HS3ST4: variants seen among roughly 807,000 people sequenced by gnomAD.
HS3ST4 encodes the protein heparan sulfate-glucosamine 3-sulfotransferase 4, also known as heparan sulfate glucosamine 3-O-sulfotransferase 4.
HS3ST4 carries 17 observed loss-of-function variants against 29.2 expected under a neutral mutation model. The observed-to-expected ratio is 0.58, with a 90% CI of 0.40 to 0.87. The LOEUF is 0.87. Ranked by LOEUF, HS3ST4 falls within the 40% of genes least tolerant of loss-of-function variation. The pLI is 0.00. For synonymous variants in HS3ST4, 314 were observed against 285.7 expected (o/e 1.10, Z -1.00); for missense variants, 627 against 634.5 (o/e 0.99, Z 0.13).
intron 1 of HS3ST4, among the ~76,000 whole-genome samples, chr16:25,857,996 CCTT>C (rs1470276107): frequency 3.0e-5 from 3 of 100,430 alleles, no homozygotes; most frequent in African/African-American, 1.1e-4. Flanking sequence ...TCTTTTTCTT[CCTT>C]CTTTTCTTTC....
chr16:25,818,006 A>T (rs1967112012), intron 1 of HS3ST4, among the ~76,000 whole-genome samples: 1 of 152,176 alleles, frequency 6.6e-6, no homozygotes, highest in South Asian at 2.1e-4. Context: ...CCTTGTCTTG[A>T]CACCACTGTC....
intron 1 of HS3ST4, among the ~76,000 whole-genome samples, chr16:26,088,779 A>G (rs935220175): frequency 1.3e-5 from 2 of 152,180 alleles, no homozygotes; most frequent in African/African-American, 4.8e-5. Context: ...AGTATGCTGC[A>G]TCTCCTCCAG....
chr16:25,985,813 T>C (rs577225950), intron 1 of HS3ST4, among the ~76,000 whole-genome samples: 1 of 152,160 alleles, frequency 6.6e-6, no homozygotes, highest in South Asian at 2.1e-4. Context: ...TGCCTCTCAA[T>C]TACCTGGGAC....
At chr16:25,840,955 CTTTAA>C (rs1298901150) in intron 1 of HS3ST4, among the ~76,000 whole-genome samples, 2 of 150,562 alleles carry the variant, frequency 1.3e-5, no homozygotes, top group Non-Finnish European at 1.5e-5. Flanking sequence ...ATTTACTTTA[CTTTAA>C]TTTATATTTG....
chr16:26,078,032 C>G (rs1045888545), intron 1 of HS3ST4, among the ~76,000 whole-genome samples: 1 of 152,196 alleles, frequency 6.6e-6, no homozygotes. Flanking sequence ...TGCCACTGCA[C>G]TGCAGTGTGG....
intron 1 of HS3ST4, among the ~76,000 whole-genome samples, chr16:25,991,103 C>T (rs543239639): frequency 1.1e-4 from 16 of 148,992 alleles, no homozygotes; most frequent in African/African-American, 4.2e-4. Flanking sequence ...AACATTGATA[C>T]ACCGGCCTCA....
At chr16:26,132,027 T>C (rs887911334) in intron 1 of HS3ST4, among the ~76,000 whole-genome samples, 3 of 152,180 alleles carry the variant, frequency 2.0e-5, no homozygotes, top group African/African-American at 7.2e-5. Context: ...TCTGTAAAAC[T>C]GGAGTAATAA....
At chr16:25,838,154 T>G (rs1273771690) in intron 1 of HS3ST4, among the ~76,000 whole-genome samples, 1 of 152,234 alleles carries the variant, frequency 6.6e-6, no homozygotes, top group Non-Finnish European at 1.5e-5. Flanking sequence ...GGAATACTAA[T>G]AGAGAAATAT....
intron 1 of HS3ST4, among the ~76,000 whole-genome samples, chr16:25,915,158 A>G (rs971129963): frequency 5.3e-5 from 8 of 152,124 alleles, no homozygotes; most frequent in Non-Finnish European, 4.4e-5. Context: ...GTGGAGGACC[A>G]GTGCTCTACG....
chr16:26,011,121 G>T (rs770703903), intron 1 of HS3ST4, among the ~76,000 whole-genome samples: 35 of 152,264 alleles, frequency 2.3e-4, no homozygotes, highest in African/African-American at 4.8e-4. Flanking sequence ...ACACAGCTTG[G>T]CATGGTTAGG....
intron 1 of HS3ST4, among the ~76,000 whole-genome samples, chr16:25,967,368 A>G (rs1255285079): frequency 1.3e-5 from 2 of 152,026 alleles, no homozygotes. Context: ...GTTGGCCAGG[A>G]TGGTCTCATT....
rs183768037 is a variant in HS3ST4 at position 26,128,502 on chromosome 16, T to C, written c.735-7110T>C. On this transcript the variant is annotated intron_variant, in intron 1 of 1. Coordinates refer to ENST00000331351, the MANE Select transcript of HS3ST4 (RefSeq NM_006040.3). ...CCTTCTTTCTTGGCTGCAATTTTAC[T>C]GAAAGCCCTAGAGCCTCAGGGCCAT... Among the ~76,000 whole-genome samples, 17 of 152,356 alleles carry C rather than the reference T, an allele frequency of 1.1e-4. No individual in the cohort carries two copies. In the East Asian group the frequency reaches 3.3e-3, roughly 29 times the overall value.
chr16:25,896,616 T>C (rs766487696), intron 1 of HS3ST4, among the ~76,000 whole-genome samples: 3 of 152,116 alleles, frequency 2.0e-5, no homozygotes, highest in African/African-American at 4.8e-5. Context: ...TGAATTATTA[T>C]TCAACCCAGC....
intron 1 of HS3ST4, among the ~76,000 whole-genome samples, chr16:25,747,574 T>C (rs1278778804): frequency 2.0e-5 from 3 of 152,206 alleles, no homozygotes; most frequent in Non-Finnish European, 4.4e-5. Flanking sequence ...CAGGCAGATG[T>C]TATTTTTGTT....
intron 1 of HS3ST4, among the ~76,000 whole-genome samples, chr16:25,722,600 A>C (rs1843018871): frequency 6.6e-6 from 1 of 152,184 alleles, no homozygotes; most frequent in Non-Finnish European, 1.5e-5. Flanking sequence ...TTTCAAGTGG[A>C]TTTTGGAAGA....
At chr16:26,128,394 A>G (rs1396201520) in intron 1 of HS3ST4, among the ~76,000 whole-genome samples, 1 of 152,206 alleles carries the variant, frequency 6.6e-6, no homozygotes. Flanking sequence ...GTTGCAAAGC[A>G]ATTTGAGGTC....
At position 26,046,842 on chromosome 16, in the gene HS3ST4, G is replaced by A. The variant is rs545644270; in HGVS notation, c.735-88770G>A. On this transcript the variant is annotated intron_variant, in intron 1 of 1. Transcript: ENST00000331351. Reference sequence around the variant, plus strand: ...ACAGTAACCCTCTGAGATTGGTACTGTTAGTATTCCCATTTGACAGATGCA... The same window carrying A: ...ACAGTAACCCTCTGAGATTGGTACTATTAGTATTCCCATTTGACAGATGCA... 2.6e-5 allele frequency among the ~76,000 whole-genome samples: 4 copies of A among 152,220 alleles called. No homozygotes were observed. In the South Asian group the frequency reaches 8.3e-4, roughly 32 times the overall value.
intron 1 of HS3ST4, among the ~76,000 whole-genome samples, chr16:25,995,100 A>T (rs1253464967): frequency 6.6e-6 from 1 of 152,204 alleles, no homozygotes; most frequent in Admixed American, 6.5e-5. Flanking sequence ...CAGGAATCAC[A>T]GCAGGTTCTT....
chr16:25,830,719 C>CT lies in HS3ST4; in HGVS notation c.734+137581dup, dbSNP rs749231059. Among the ~76,000 whole-genome samples, 1,041 of 145,394 alleles carry CT rather than the reference C, an allele frequency of 7.2e-3. 17 individuals are homozygous for CT. The highest frequency in any genetic ancestry group is 0.034 in the East Asian group (170 of 5,004). The stretch of plus-strand genomic sequence containing the variant: ...TTCATTCCCCACCTTCAATCCATGT[C>CT]TTTTTTTTTTTTTAGCTGTCAGCTC... On this transcript the variant is annotated intron_variant, in intron 1 of 1. Coordinates refer to ENST00000331351, the MANE Select transcript of HS3ST4 (RefSeq NM_006040.3).
Sources: gnomAD v4.1 joint callset for allele counts (sites outside exome capture counted in the v4.1 genomes callset) on GRCh38, gnomAD v4.1.1 for gene constraint, MANE v1.5 for transcripts, NCBI Gene and HGNC (gene_info 2026-07-23, HGNC 2026-07-21) for gene names.